YEATS2: variants seen among roughly 807,000 people sequenced by gnomAD.
The protein encoded by YEATS2 is YEATS domain-containing protein 2.
YEATS2 carries 77 observed loss-of-function variants against 163.2 expected under a neutral mutation model. The ratio of observed to expected loss-of-function variants is 0.47; its 90% CI spans 0.39 to 0.57. The LOEUF (loss-of-function observed/expected upper bound fraction) is 0.57. YEATS2 is among the 20% of genes least tolerant of loss of function. The pLI is 0.00. For missense variants in YEATS2, 1,549 were observed against 1,729.8 expected, an observed-to-expected ratio of 0.90 and a Z score of 1.85; for synonymous variants, 631 against 645.1, an observed-to-expected ratio of 0.98 and a Z score of 0.33.
chr3:183,734,036 G>GT (rs1435098618), intron 7 of YEATS2, among the ~76,000 whole-genome samples: 5 of 152,090 alleles, frequency 3.3e-5, no homozygotes, highest in African/African-American at 1.2e-4. Flanking sequence ...CCAAACCTTC[G>GT]TATCTGTTTT....
intron 21 of YEATS2, among the ~76,000 whole-genome samples, chr3:183,792,530 AT>A (rs1032551098): frequency 1.3e-5 from 2 of 151,914 alleles, no homozygotes; most frequent in African/African-American, 4.8e-5. Context: ...TATTATTATT[AT>A]TTTTTTGATG....
chr3:183,705,863 C>A (rs571428350), intron 1 of YEATS2, among the ~76,000 whole-genome samples: 21 of 151,956 alleles, frequency 1.4e-4, no homozygotes, highest in African/African-American at 4.6e-4. Context: ...CATGGTGGAA[C>A]TCCATCTTTA....
intron 30 of YEATS2, chr3:183,809,380 G>T: frequency 1.9e-6 from 1 of 515,390 alleles, no homozygotes; most frequent in Non-Finnish European, 3.5e-6. Flanking sequence ...TTGCTCAGAG[G>T]TTTATATCCT....
chr3:183,779,460 T>C (rs1403474814), intron 19 of YEATS2, among the ~76,000 whole-genome samples: 3 of 152,212 alleles, frequency 2.0e-5, no homozygotes, highest in African/African-American at 7.2e-5. Flanking sequence ...ACAGTTCCTG[T>C]TGCCCCTCCC....
At chr3:183,797,209 C>T (rs1044557272) in intron 21 of YEATS2, among the ~76,000 whole-genome samples, 1 of 145,026 alleles carries the variant, frequency 6.9e-6, no homozygotes, top group Non-Finnish European at 1.5e-5. Context: ...ATGGATGTTG[C>T]AGTGAGCTGA....
At chr3:183,732,116 T>G (rs1717850333) in intron 7 of YEATS2, among the ~76,000 whole-genome samples, 1 of 152,118 alleles carries the variant, frequency 6.6e-6, no homozygotes, top group Admixed American at 6.6e-5. Context: ...TCTCACCAGA[T>G]TTAGAACTTC....
At chr3:183,795,852 CT>C (rs371958053) in intron 21 of YEATS2, among the ~76,000 whole-genome samples, 13 of 152,206 alleles carry the variant, frequency 8.5e-5, no homozygotes, top group African/African-American at 2.9e-4. Context: ...ATTTAACACT[CT>C]TCTATTCCAA....
intron 1 of YEATS2, among the ~76,000 whole-genome samples, chr3:183,701,226 A>G (rs968881234): frequency 6.6e-6 from 1 of 151,060 alleles, no homozygotes; most frequent in Non-Finnish European, 1.5e-5. Context: ...GACTACAGGC[A>G]CCCACCACCT....
At chr3:183,780,391 CT>C (rs1723453093) in intron 19 of YEATS2, among the ~76,000 whole-genome samples, 1 of 152,214 alleles carries the variant, frequency 6.6e-6, no homozygotes, top group Non-Finnish European at 1.5e-5. Flanking sequence ...TTTTTCCACG[CT>C]TCTGTGGCAG....
At chr3:183,763,609 A>G (rs1721600315) in intron 15 of YEATS2, among the ~76,000 whole-genome samples, 1 of 152,222 alleles carries the variant, frequency 6.6e-6, no homozygotes, top group Non-Finnish European at 1.5e-5. Flanking sequence ...CCTTGGGAGC[A>G]TTACAGCTAA....
At chr3:183,802,959 T>G (rs1725832562) in intron 25 of YEATS2, 5 of 308,490 alleles carry the variant, frequency 1.6e-5, no homozygotes, top group Admixed American at 1.4e-4. Flanking sequence ...TAATGGCGGG[T>G]CCAGGGCTCC....
In YEATS2 at chr3:183,788,925, T is replaced by A. The variant is rs80247157; in HGVS notation, c.2914-1872T>A. Among the ~76,000 whole-genome samples, 838 of 152,340 alleles carry A rather than the reference T, an allele frequency of 5.5e-3. 10 individuals are homozygous for A. The highest frequency in any genetic ancestry group is 0.017 in the African/African-American group (713 of 41,562). ...TGCCCCTTGGGCCATTTATGTGTCTTCTTTTGAGAAATGTGTGTTGAGATC... is the reference window on the plus strand; with the variant it reads ...TGCCCCTTGGGCCATTTATGTGTCTACTTTTGAGAAATGTGTGTTGAGATC... On this transcript the variant is annotated intron_variant, in intron 20 of 30. Transcript: ENST00000305135.
chr3:183,718,426 T>C, intron 3 of YEATS2, 74 bp from the exon 4 acceptor site: 1 of 1,165,446 alleles, frequency 8.6e-7, no homozygotes, highest in South Asian at 1.5e-5. Context: ...TCACGTTTCT[T>C]ATTTTGTGAA....
In YEATS2 at chr3:183,724,507, CAAT is replaced by C. The variant is rs1716861818; in HGVS notation, c.628_630del (p.Ile210del). The C allele has an allele frequency of 3.1e-6, 5 of 1,612,566 alleles. No homozygotes were observed. Among genetic ancestry groups the C allele is most frequent in the Non-Finnish European group, 4.2e-6 (5 of 1,178,940 alleles). ...ACTTCACGACTTTTTGTAAAGAAAA[CAAT>C]AGTAGTGGGCAATGTGTCCAAGTGA... On this transcript the variant is annotated inframe_deletion, in exon 6 of 31. Transcript: ENST00000305135.
chr3:183,781,928 A>G (rs945952413), intron 19 of YEATS2, among the ~76,000 whole-genome samples: 4 of 151,750 alleles, frequency 2.6e-5, no homozygotes, highest in Non-Finnish European at 4.4e-5. Context: ...TTTTTTTTCT[A>G]TCACCATTTT....
chr3:183,744,525 A>G (rs1364314293), intron 8 of YEATS2, among the ~76,000 whole-genome samples: 1 of 152,176 alleles, frequency 6.6e-6, no homozygotes, highest in East Asian at 1.9e-4. Flanking sequence ...TACTTTTCAC[A>G]TCTTACATTG....
chr3:183,699,316 T>C (rs1713817410), intron 1 of YEATS2, among the ~76,000 whole-genome samples: 1 of 151,702 alleles, frequency 6.6e-6, no homozygotes, highest in South Asian at 2.1e-4. Flanking sequence ...CTATTTTAGA[T>C]GTATTAAATT....
chr3:183,748,102 C>T (rs762942662), intron 9 of YEATS2, among the ~76,000 whole-genome samples: 19 of 151,646 alleles, frequency 1.3e-4, no homozygotes, highest in Admixed American at 1.3e-4. Context: ...AAATAACTAC[C>T]GAAGACTGGG....
chr3:183,727,584 C>G (rs1717249492), intron 6 of YEATS2, among the ~76,000 whole-genome samples: 1 of 152,174 alleles, frequency 6.6e-6, no homozygotes, highest in Admixed American at 6.6e-5. Context: ...CTTGGCCCCC[C>G]CATATCACTA....
Sources: gnomAD v4.1 joint callset for allele counts (sites outside exome capture counted in the v4.1 genomes callset) on GRCh38, gnomAD v4.1.1 for gene constraint, MANE v1.5 for transcripts, NCBI Gene and HGNC (gene_info 2026-07-23, HGNC 2026-07-21) for gene names.